The following CSMD2 variants were observed in gnomAD, a reference collection of about 807,000 sequenced individuals.
CSMD2 encodes the protein CUB and sushi domain-containing protein 2.
A neutral mutation model predicts 398.5 loss-of-function variants in CSMD2; 130 were observed. The ratio of observed to expected loss-of-function variants is 0.33; its 90% CI spans 0.28 to 0.38. CSMD2 has a LOEUF of 0.38. Among genes scored for constraint, CSMD2 ranks in the 10% least tolerant of loss-of-function variants. CSMD2 has a pLI of 1.00. For missense variants in CSMD2, 3,829 were observed against 4,764.9 expected (o/e 0.80, Z 5.78); for synonymous variants, 1,828 against 1,908.5 (o/e 0.96, Z 1.10).
chr1:33,587,450 G>T (rs1037845890), intron 44 of CSMD2, among the ~76,000 whole-genome samples: 6 of 152,196 alleles, frequency 3.9e-5, no homozygotes, highest in African/African-American at 1.4e-4. Context: ...GTGCCTCGTG[G>T]ATATTAGGCG....
intron 53 of CSMD2, among the ~76,000 whole-genome samples, chr1:33,561,007 G>A (rs1054144699): frequency 1.3e-5 from 2 of 152,174 alleles, no homozygotes; most frequent in Non-Finnish European, 2.9e-5. Flanking sequence ...CTTTTGCCAG[G>A]CCTCTCGCTT....
chr1:34,089,028 T>C lies in CSMD2; in HGVS notation c.353A>G (p.Asp118Gly). 1 of 1,614,118 alleles carries C rather than the reference T, an allele frequency of 6.2e-7. No individual in the cohort carries two copies. The highest frequency in any genetic ancestry group is 2.2e-5 in the East Asian group (1 of 44,872). ...FQSFALEEDF[D>G]VLSVFDGPPQ... The stretch of plus-strand genomic sequence containing the variant: ...TGGACCATCAAACACCGACAGGACA[T>C]CAAAGTCCTCTTCCAGGGCAAAGGA... The change falls in exon 2 of 71, where the codon GAT becomes GGT. Residue 118 changes from aspartate (D) to glycine (G), a missense_variant. By Grantham distance (94) the Asp-to-Gly change is moderately conservative. This residue lies in a region of CSMD2 where 184 missense variants were observed against 217.7 expected (regional missense o/e 0.85). Coordinates refer to ENST00000373381, the MANE Select transcript of CSMD2 (RefSeq NM_001281956.2).
At chr1:33,910,073 G>A (rs1178485817) in intron 5 of CSMD2, among the ~76,000 whole-genome samples, 11 of 152,028 alleles carry the variant, frequency 7.2e-5, no homozygotes, top group Admixed American at 7.2e-4. Context: ...TTCAAGGCTG[G>A]ATTCTCTTGC....
chr1:34,058,108 C>T (rs1329980741), intron 2 of CSMD2, among the ~76,000 whole-genome samples: 1 of 152,154 alleles, frequency 6.6e-6, no homozygotes, highest in African/African-American at 2.4e-5. Flanking sequence ...GTGACAACTC[C>T]ATTTGCCAAG....
At chr1:33,526,240 G>C (rs1436683004) in intron 65 of CSMD2, among the ~76,000 whole-genome samples, 3 of 152,148 alleles carry the variant, frequency 2.0e-5, no homozygotes, top group African/African-American at 7.2e-5. Flanking sequence ...AATGGAAGAG[G>C]GGAGAAGAGA....
chr1:33,851,645 C>T (rs1280086846), intron 5 of CSMD2, among the ~76,000 whole-genome samples: 3 of 152,120 alleles, frequency 2.0e-5, no homozygotes, highest in Admixed American at 2.0e-4. Context: ...GAGGCTGATC[C>T]CTCCTCTGCC....
chr1:33,605,874 G>C, intron 41 of CSMD2: 4 of 1,613,406 alleles, frequency 2.5e-6, no homozygotes, highest in Non-Finnish European at 3.4e-6. Flanking sequence ...TTCACAACCA[G>C]GATCAAGATC....
At chr1:33,680,658 C>T (rs1644877542) in intron 25 of CSMD2, among the ~76,000 whole-genome samples, 1 of 152,270 alleles carries the variant, frequency 6.6e-6, no homozygotes, top group East Asian at 1.9e-4. Context: ...TAACCTTGAT[C>T]TGCTCCAGAG....
intron 2 of CSMD2, among the ~76,000 whole-genome samples, chr1:34,033,885 G>A (rs959511022): frequency 2.0e-5 from 3 of 152,110 alleles, no homozygotes; most frequent in African/African-American, 7.2e-5. Flanking sequence ...TGAAGCCCTT[G>A]CCCTTCCCAC....
chr1:33,952,703 T>C (rs143449629), intron 3 of CSMD2, among the ~76,000 whole-genome samples: 2,910 of 136,366 alleles, frequency 0.021, 106 homozygotes, highest in African/African-American at 0.096. Context: ...CACACACACA[T>C]GCACACACAC....
At chr1:33,723,584 C>A (rs975203765) in intron 19 of CSMD2, among the ~76,000 whole-genome samples, 2 of 152,202 alleles carry the variant, frequency 1.3e-5, no homozygotes, top group African/African-American at 4.8e-5. Flanking sequence ...CCAAAGGTCA[C>A]TCACGTTAGG....
intron 2 of CSMD2, among the ~76,000 whole-genome samples, chr1:34,080,044 G>C (rs1018765547): frequency 1.4e-5 from 2 of 146,120 alleles, no homozygotes; most frequent in African/African-American, 5.1e-5. Context: ...ATTAAAAATA[G>C]AGAAATTGGC....
chr1:33,701,269 A>G (rs957798846), intron 22 of CSMD2, among the ~76,000 whole-genome samples: 32 of 152,260 alleles, frequency 2.1e-4, no homozygotes, highest in African/African-American at 7.5e-4. Context: ...TCCTAAAATG[A>G]GGGCTCCAGC....
chr1:34,055,507 A>C (rs1420237470), intron 2 of CSMD2, among the ~76,000 whole-genome samples: 1 of 152,040 alleles, frequency 6.6e-6, no homozygotes, highest in Non-Finnish European at 1.5e-5. Context: ...GATTCCCAGG[A>C]CCCCCTCCCC....
At chr1:33,861,986 G>A (rs2125115835) in intron 5 of CSMD2, among the ~76,000 whole-genome samples, 1 of 152,156 alleles carries the variant, frequency 6.6e-6, no homozygotes, top group African/African-American at 2.4e-5. Context: ...GGAAACCAGA[G>A]GGTATGGGAT....
intron 5 of CSMD2, among the ~76,000 whole-genome samples, chr1:33,860,207 C>T (rs550566460): frequency 2.6e-5 from 4 of 152,152 alleles, no homozygotes; most frequent in Non-Finnish European, 5.9e-5. Flanking sequence ...TGCATTTGTC[C>T]TGTCTTCTTG....
intron 22 of CSMD2, among the ~76,000 whole-genome samples, chr1:33,707,693 G>GCGCA (rs1445367591): frequency 4.3e-5 from 2 of 46,908 alleles, no homozygotes; most frequent in Admixed American, 2.5e-4. Context: ...ACGCGCGCGC[G>GCGCA]CGCACACACA....
intron 2 of CSMD2, among the ~76,000 whole-genome samples, chr1:34,079,583 T>C (rs1656822792): frequency 6.6e-6 from 1 of 152,050 alleles, no homozygotes; most frequent in African/African-American, 2.4e-5. Flanking sequence ...TGATCTAAAG[T>C]ATATAAAGAG....
intron 3 of CSMD2, among the ~76,000 whole-genome samples, chr1:33,951,720 T>C (rs1330578013): frequency 6.6e-6 from 1 of 152,220 alleles, no homozygotes; most frequent in Non-Finnish European, 1.5e-5. Flanking sequence ...AGAAACTGTC[T>C]ACTTCTTAGC....
Sources: allele counts gnomAD v4.1 joint callset (sites outside exome capture counted in the v4.1 genomes callset), GRCh38; gene constraint gnomAD v4.1.1; regional missense constraint gnomAD v4.1.1; transcripts MANE v1.5; gene names NCBI Gene and HGNC (gene_info 2026-07-23, HGNC 2026-07-21).